EBF1: variants seen among roughly 807,000 people sequenced by gnomAD.
EBF1 encodes the protein transcription factor COE1.
Under a neutral mutation model 68.4 loss-of-function variants are expected in EBF1, and 10 were observed. The observed-to-expected ratio is 0.15, with a 90% confidence interval of 0.09 to 0.25. EBF1 has a LOEUF of 0.25. Among genes scored for constraint, EBF1 ranks in the 10% least tolerant of loss-of-function variants. The pLI, the probability that EBF1 is intolerant of heterozygous loss-of-function variation, is 1.00. For missense variants in EBF1, 509 were observed against 794.4 expected (o/e 0.64, Z 4.32); for synonymous variants, 298 against 299.8 (o/e 0.99, Z 0.06).
chr5:158,757,636 G>T (rs990910563), intron 10 of EBF1, among the ~76,000 whole-genome samples: 2 of 152,172 alleles, frequency 1.3e-5, no homozygotes, highest in African/African-American at 2.4e-5. Context: ...AAGCCAGTCT[G>T]CCAGTGTAAA....
chr5:158,878,871 C>T (rs538527917), intron 6 of EBF1, among the ~76,000 whole-genome samples: 5 of 152,094 alleles, frequency 3.3e-5, no homozygotes, highest in South Asian at 2.1e-4. Context: ...TTCAAACTCC[C>T]GACCTCAAGT....
intron 6 of EBF1, among the ~76,000 whole-genome samples, chr5:158,988,455 C>T (rs148181406): frequency 2.3e-4 from 35 of 152,308 alleles, no homozygotes; most frequent in African/African-American, 7.9e-4. Context: ...GCCTCACATC[C>T]TCATCTTCCC....
chr5:159,095,998 A>C (rs1490630411), intron 3 of EBF1, among the ~76,000 whole-genome samples: 1 of 152,200 alleles, frequency 6.6e-6, no homozygotes, highest in East Asian at 1.9e-4. Context: ...CACAGCCTTC[A>C]AGGCCATGAC....
chr5:159,076,857 T>G (rs974790682), intron 5 of EBF1, among the ~76,000 whole-genome samples: 3 of 152,220 alleles, frequency 2.0e-5, no homozygotes, highest in African/African-American at 7.2e-5. Context: ...TGAGTGTACA[T>G]ATATGGATGT....
intron 5 of EBF1, among the ~76,000 whole-genome samples, chr5:159,076,733 C>T (rs568061427): frequency 1.3e-5 from 2 of 152,280 alleles, no homozygotes; most frequent in East Asian, 1.9e-4. Flanking sequence ...TGAGCTACTC[C>T]GGCTTCTGTT....
intron 6 of EBF1, among the ~76,000 whole-genome samples, chr5:158,978,807 C>CACAT (rs1195108686): frequency 3.4e-5 from 5 of 145,062 alleles, no homozygotes; most frequent in African/African-American, 1.4e-4. Context: ...TACACACACA[C>CACAT]ACACACACAC....
At chr5:158,923,315 TCTC>T (rs1413364137) in intron 6 of EBF1, among the ~76,000 whole-genome samples, 3 of 152,216 alleles carry the variant, frequency 2.0e-5, no homozygotes, top group Non-Finnish European at 4.4e-5. Flanking sequence ...ATAAAAATCA[TCTC>T]CTCCTCTCTC....
Position 158,868,183 on chromosome 5 carries a change from A to G in EBF1, c.555-28073T>C, listed in dbSNP as rs372572119. 8.9e-4 allele frequency among the ~76,000 whole-genome samples: 135 copies of G among 152,290 alleles called. No homozygotes were observed. The Middle Eastern group carries it at 0.01, about 12-fold the overall frequency. The stretch of plus-strand genomic sequence containing the variant: ...TCTGTCATTGAATTATCATTAAGAA[A>G]TAATAGCCTTAGGATTTAAATGTCT... On this transcript the variant is annotated intron_variant, in intron 6 of 15. Coordinates refer to ENST00000313708, the MANE Select transcript of EBF1 (RefSeq NM_024007.5).
chr5:158,704,717 G>T (rs1447750961), intron 15 of EBF1, among the ~76,000 whole-genome samples: 1 of 151,850 alleles, frequency 6.6e-6, no homozygotes, highest in African/African-American at 2.4e-5. Flanking sequence ...AACTTTTGTG[G>T]CTCAAGCAAG....
intron 6 of EBF1, among the ~76,000 whole-genome samples, chr5:158,946,813 C>T (rs932801645): frequency 6.6e-6 from 1 of 152,204 alleles, no homozygotes; most frequent in Non-Finnish European, 1.5e-5. Context: ...GGTGCTCTGT[C>T]CCAGGGAGAT....
intron 7 of EBF1, among the ~76,000 whole-genome samples, chr5:158,825,818 C>A (rs1403073713): frequency 3.3e-5 from 5 of 151,890 alleles, no homozygotes; most frequent in Admixed American, 1.3e-4. Flanking sequence ...ACTCACAGCA[C>A]AACTTCCCTA....
chr5:158,893,709 T>C (rs546270492), intron 6 of EBF1, among the ~76,000 whole-genome samples: 2 of 152,190 alleles, frequency 1.3e-5, no homozygotes, highest in Non-Finnish European at 2.9e-5. Flanking sequence ...CAAGGGATGC[T>C]TCAAACTTAA....
At chr5:158,908,552 T>C (rs1482039914) in intron 6 of EBF1, among the ~76,000 whole-genome samples, 2 of 152,238 alleles carry the variant, frequency 1.3e-5, no homozygotes, top group Non-Finnish European at 2.9e-5. Flanking sequence ...CTCTAGGTTT[T>C]AGAATAAGGA....
At chr5:158,762,662 A>C (rs1303266828) in intron 10 of EBF1, among the ~76,000 whole-genome samples, 2 of 152,100 alleles carry the variant, frequency 1.3e-5, no homozygotes, top group Non-Finnish European at 2.9e-5. Context: ...CAGCCTCCCA[A>C]GTAGCTGGGA....
At chr5:158,761,784 A>G (rs1305398585) in intron 10 of EBF1, among the ~76,000 whole-genome samples, 3 of 152,204 alleles carry the variant, frequency 2.0e-5, no homozygotes, top group Non-Finnish European at 4.4e-5. Flanking sequence ...AAACTCATTA[A>G]AAATTTTTGG....
intron 6 of EBF1, among the ~76,000 whole-genome samples, chr5:158,883,348 GTATATA>G (rs10615867): frequency 2.0e-5 from 3 of 148,476 alleles, no homozygotes; most frequent in South Asian, 2.1e-4. Flanking sequence ...ATACATGCAT[GTATATA>G]TATATATACA....
intron 8 of EBF1, among the ~76,000 whole-genome samples, chr5:158,803,047 A>G (rs1046945054): frequency 2.0e-5 from 3 of 152,118 alleles, no homozygotes; most frequent in African/African-American, 7.2e-5. Flanking sequence ...ATGTTTTTTT[A>G]AGGATCTCAT....
At chr5:158,902,762 G>C (rs920661960) in intron 6 of EBF1, among the ~76,000 whole-genome samples, 1 of 152,014 alleles carries the variant, frequency 6.6e-6, no homozygotes, top group Admixed American at 6.6e-5. Flanking sequence ...AGCCCAAAAG[G>C]CTTCTCGTAT....
chr5:159,058,903 T>C (rs1342562242), intron 6 of EBF1, among the ~76,000 whole-genome samples: 2 of 152,210 alleles, frequency 1.3e-5, no homozygotes, highest in Non-Finnish European at 2.9e-5. Context: ...GAGCTAGAAT[T>C]CTTTTCTGAA....
Sources: allele counts gnomAD v4.1 joint callset (sites outside exome capture counted in the v4.1 genomes callset), GRCh38; gene constraint gnomAD v4.1.1; transcripts MANE v1.5; gene names NCBI Gene and HGNC (gene_info 2026-07-23, HGNC 2026-07-21).